ATAD3A: variants seen among roughly 807,000 people sequenced by gnomAD.
The protein encoded by ATAD3A is ATPase family AAA domain-containing protein 3A.
In ATAD3A, 46 loss-of-function variants were observed where a neutral mutation model predicts 73.8. The observed-to-expected ratio is 0.62, with a 90% CI of 0.49 to 0.80. The LOEUF is 0.80. Ranked by LOEUF, ATAD3A falls within the 30% of genes least tolerant of loss-of-function variation. The pLI is 0.00. For missense variants in ATAD3A, 705 were observed against 838.0 expected (o/e 0.84, Z 1.96); for synonymous variants, 319 against 350.0 (o/e 0.91, Z 0.99).
chr1:1,534,079 A>G lies in ATAD3A; in HGVS notation c.*7A>G, dbSNP rs543436454. The G allele has an allele frequency of 1.5e-4, 248 of 1,613,270 alleles. No homozygotes were observed. The highest frequency in any genetic ancestry group is 1.9e-4 in the Non-Finnish European group (221 of 1,179,680). ...CGAGCCCTCCCCATCCTGAGTCCAC[A>G]GGGAGATCCACAGCTCACGGAGCCT... On this transcript the variant is annotated 3_prime_UTR_variant, in exon 16 of 16. Transcript: ENST00000378756.
intron 7 of ATAD3A, among the ~76,000 whole-genome samples, chr1:1,522,399 T>G (rs1641629839): frequency 6.6e-6 from 1 of 152,220 alleles, no homozygotes; most frequent in African/African-American, 2.4e-5. Flanking sequence ...TTTCCAGGAA[T>G]AAAGTACCAT....
rs1236484156 is a variant in ATAD3A, at chr1:1,520,267, A to G, written c.641A>G (p.Lys214Arg). Reference sequence around the variant, plus strand: ...ATCATCCGCGAGCAGATCCGCCTGAAGGCGGCCGAGCACCGTCAGACCGTC... The same window carrying G: ...ATCATCCGCGAGCAGATCCGCCTGAGGGCGGCCGAGCACCGTCAGACCGTC... ...ADIIREQIRL[K>R]AAEHRQTVLE... The change falls in exon 6 of 16, where the codon AAG becomes AGG. Residue 214 changes from lysine (K) to arginine (R), a missense_variant. This residue lies in a region of ATAD3A where 315 missense variants were observed against 334.1 expected (regional missense o/e 0.94). Transcript: ENST00000378756. This position sits in a 1 kb window ranked among gnomAD's most constrained non-coding sequence, Gnocchi z 4.0. 4 of 1,613,022 alleles carry G rather than the reference A, an allele frequency of 2.5e-6. No individual in the cohort carries two copies. In the South Asian group the frequency reaches 3.3e-5, roughly 13 times the overall value.
chr1:1,529,516 C>T (rs1641964402), intron 15 of ATAD3A, among the ~76,000 whole-genome samples, 185 bp downstream of exon 15: 1 of 152,258 alleles, frequency 6.6e-6, no homozygotes, highest in Non-Finnish European at 1.5e-5. Context: ...CGCGCACCTG[C>T]TCGTGCCCTC....
intron 2 of ATAD3A, chr1:1,517,016 C>T (rs1641380623): frequency 1.4e-6 from 2 of 1,403,378 alleles, no homozygotes; most frequent in Admixed American, 5.5e-5. Flanking sequence ...CCGGTCCACT[C>T]AGCAGGATTC....
At position 1,520,709 on chromosome 1, in the gene ATAD3A, G is replaced by C; in HGVS notation, c.750+92G>C. The C allele has an allele frequency of 6.3e-7, 1 of 1,593,352 alleles. No individual in the cohort carries two copies. The highest frequency in any genetic ancestry group is 8.6e-7 in the Non-Finnish European group (1 of 1,164,910). On this transcript the variant is annotated intron_variant, in intron 7 of 15. Transcript: ENST00000378756. This position sits in a 1 kb window ranked among gnomAD's most constrained non-coding sequence, Gnocchi z 4.0. ...CCCAGGTCCTGTCCCTGCCGGCTCTGCACAGCCCTGTAGCTCTCCCAGCAG... is the reference window on the plus strand; with the variant it reads ...CCCAGGTCCTGTCCCTGCCGGCTCTCCACAGCCCTGTAGCTCTCCCAGCAG...
chr1:1,527,534 C>A (rs960234490), intron 13 of ATAD3A, among the ~76,000 whole-genome samples, 161 bp from the exon 14 acceptor site: 7 of 152,228 alleles, frequency 4.6e-5, no homozygotes, highest in African/African-American at 1.7e-4. Flanking sequence ...GGCCGGGGGA[C>A]AGCTGGGTGC....
rs556005784 is a variant in ATAD3A, at chr1:1,523,339, A to G, written c.907-172A>G. On this transcript the variant is annotated intron_variant, in intron 8 of 15. Transcript: ENST00000378756. The surrounding 1 kb of genome is among the most constrained non-coding windows in gnomAD (Gnocchi z 5.1). ...GGAACCGGAAAATGCCCCTAATCCCAGCAATAGCCGCCTGGTCTCCGGGCG... is the reference window on the plus strand; with the variant it reads ...GGAACCGGAAAATGCCCCTAATCCCGGCAATAGCCGCCTGGTCTCCGGGCG... 2.4e-4 allele frequency among the ~76,000 whole-genome samples: 36 copies of G among 152,204 alleles called. No individual in the cohort carries two copies. The highest frequency in any genetic ancestry group is 7.5e-4 in the African/African-American group (31 of 41,530).
Position 1,527,682 on chromosome 1 carries a change from C to T in ATAD3A, c.1338-13C>T, listed in dbSNP as rs538477827. On this transcript the variant is annotated splice_polypyrimidine_tract_variant and intron_variant, in intron 13 of 15. Transcript: ENST00000378756. ...GCAGCCCCAGCATCCTCATCCTCAT[C>T]CCCGCCCCGCAGGTTCATGCTGGTC... The T allele has an allele frequency of 6.2e-7, 1 of 1,603,748 alleles. No homozygotes were observed.
At chr1:1,522,689 TC>T in intron 7 of ATAD3A, 54 bp from the exon 8 acceptor site, 2 of 1,605,746 alleles carry the variant, frequency 1.2e-6, no homozygotes, top group Non-Finnish European at 1.7e-6. Context: ...CGTCTCCTGC[TC>T]TAAGAGGGAG....
Position 1,533,922 on chromosome 1 carries a change from C to T in ATAD3A, c.1615-4C>T, listed in dbSNP as rs746075672. The T allele has an allele frequency of 1.9e-6, 3 of 1,612,524 alleles. No homozygotes were observed. The highest frequency in any genetic ancestry group is 3.3e-5 in the Admixed American group (2 of 59,966). ...CCTCCCTCAGCTGCCTCTCTCCCCA[C>T]TAGGCCACGGCGTATGCCTCCGAGG... On this transcript the variant is annotated splice_region_variant and splice_polypyrimidine_tract_variant and intron_variant, in intron 15 of 15. Coordinates refer to ENST00000378756, the MANE Select transcript of ATAD3A (RefSeq NM_001170535.3).
intron 1 of ATAD3A, 127 bp downstream of exon 1, chr1:1,512,600 G>A: frequency 2.8e-6 from 4 of 1,408,600 alleles, no homozygotes; most frequent in Non-Finnish European, 3.8e-6. Flanking sequence ...CGCCCCCGGA[G>A]CACCCCCGGC....
In ATAD3A at chr1:1,527,363, G is replaced by C; in HGVS notation, c.1338-332G>C. 3.8e-6 allele frequency: 4 copies of C among 1,065,802 alleles called. No homozygotes were observed. The South Asian group carries it at 6.5e-5, about 17-fold the overall frequency. The allele number at this position is 1,065,802 out of a possible 1,614,324, so 66.0% of individuals were successfully genotyped here. The stretch of plus-strand genomic sequence containing the variant: ...CTGAGGTCCTGCTCCTGGCACGTGT[G>C]GGCGACTTCTCGACATGGACTCCGG... On this transcript the variant is annotated intron_variant, in intron 13 of 15. Transcript: ENST00000378756.
chr1:1,520,992 C>A lies in ATAD3A; in HGVS notation c.750+375C>A, dbSNP rs1641571243. On this transcript the variant is annotated intron_variant, in intron 7 of 15. Coordinates refer to ENST00000378756, the MANE Select transcript of ATAD3A (RefSeq NM_001170535.3). This position sits in a 1 kb window ranked among gnomAD's most constrained non-coding sequence, Gnocchi z 4.0. ...TGCACTCCATCCTGGGCGACAAAGT[C>A]CTTGTCTCAAGAAAAAAATTGTCGA... Among the ~76,000 whole-genome samples the A allele has an allele frequency of 6.6e-6, 1 of 151,566 alleles. No homozygotes were observed. The highest frequency in any genetic ancestry group is 1.5e-5 in the Non-Finnish European group (1 of 67,892).
At chr1:1,513,114 C>T (rs1441051995) in intron 1 of ATAD3A, among the ~76,000 whole-genome samples, 1 of 152,196 alleles carries the variant, frequency 6.6e-6, no homozygotes. Context: ...CCTCCCAAAG[C>T]GCTGGGATGA....
At chr1:1,529,436 G>T (rs1570355933) in intron 15 of ATAD3A, 105 bp downstream of exon 15, 8 of 1,485,754 alleles carry the variant, frequency 5.4e-6, no homozygotes, top group South Asian at 1.3e-5. Context: ...GGGAGCTTCT[G>T]TTGAGGGGTT....
chr1:1,528,230 A>G (rs553064968), intron 14 of ATAD3A, among the ~76,000 whole-genome samples: 1 of 152,246 alleles, frequency 6.6e-6, no homozygotes, highest in African/African-American at 2.4e-5. Context: ...CCCAAAGTGC[A>G]GGGATTACAG....
chr1:1,517,400 G>A lies in ATAD3A; in HGVS notation c.372G>A (p.Arg124=). Residue 124 remains arginine, a synonymous_variant, in exon 3 of 16, where the codon CGG becomes CGA. Transcript: ENST00000378756. ...ERRKTLSEET[R]QHQARAQYQD... ...GGAAGACCCTGAGCGAGGAGACCCG[G>A]CAGCACCAGGCCGTAAGAGCGCAAG... 6.6e-7 allele frequency: 1 copy of A among 1,523,882 alleles called. No homozygotes were observed. Among genetic ancestry groups the A allele is most frequent in the Non-Finnish European group, 8.8e-7 (1 of 1,137,282 alleles). 94.4% of individuals were successfully genotyped at this position (1,523,882 alleles called of 1,614,324 possible).
Position 1,523,675 on chromosome 1 carries a change from C to G in ATAD3A, c.963+108C>G. On this transcript the variant is annotated intron_variant, in intron 9 of 15. Transcript: ENST00000378756. This position sits in a 1 kb window ranked among gnomAD's most constrained non-coding sequence, Gnocchi z 5.1. ...TGGTGGCACCCAGGAGCTTTTGGGTCCTGAGATGCGACTGCTTGGACCGTG... is the reference window on the plus strand; with the variant it reads ...TGGTGGCACCCAGGAGCTTTTGGGTGCTGAGATGCGACTGCTTGGACCGTG... 6.3e-7 allele frequency: 1 copy of G among 1,594,466 alleles called. No homozygotes were observed. The highest frequency in any genetic ancestry group is 8.6e-7 in the Non-Finnish European group (1 of 1,169,188).
intron 4 of ATAD3A, among the ~76,000 whole-genome samples, chr1:1,518,008 C>T (rs1288497558): frequency 3.3e-5 from 5 of 151,964 alleles, no homozygotes; most frequent in Non-Finnish European, 1.5e-5. Context: ...CACGGACACA[C>T]ACTCCTCGCA....
Sources: gnomAD v4.1 joint callset for allele counts (sites outside exome capture counted in the v4.1 genomes callset) on GRCh38, gnomAD v4.1.1 for gene constraint, gnomAD v4.1.1 regional missense constraint, Gnocchi (gnomAD v3.1) non-coding constraint, MANE v1.5 for transcripts, NCBI Gene and HGNC (gene_info 2026-07-23, HGNC 2026-07-21) for gene names.